SUCLG2: variants seen among roughly 807,000 people sequenced by gnomAD.
SUCLG2 encodes the protein succinate--CoA ligase [GDP-forming] subunit beta, mitochondrial.
Under a neutral mutation model 47.9 loss-of-function variants are expected in SUCLG2, and 42 were observed. The ratio of observed to expected loss-of-function variants is 0.88; its 90% CI spans 0.69 to 1.14. SUCLG2 has a LOEUF of 1.14. SUCLG2 is among the 50% of genes most tolerant of loss of function. The pLI, the probability that SUCLG2 is intolerant of heterozygous loss-of-function variation, is 0.00. For missense variants in SUCLG2, 571 were observed against 525.9 expected (o/e 1.09, Z -0.84); for synonymous variants, 195 against 197.3 (o/e 0.99, Z 0.10).
chr3:67,397,186 G>T (rs950273208), intron 10 of SUCLG2, among the ~76,000 whole-genome samples: 2 of 152,088 alleles, frequency 1.3e-5, no homozygotes, highest in African/African-American at 4.8e-5. Context: ...AATTAGGCAG[G>T]AGAAGGAAAT....
chr3:67,625,451 G>T (rs1004026455), intron 1 of SUCLG2, among the ~76,000 whole-genome samples: 1 of 152,152 alleles, frequency 6.6e-6, no homozygotes, highest in Non-Finnish European at 1.5e-5. Context: ...TGGGGATTTG[G>T]TTCTATGACC....
At chr3:67,445,131 A>G (rs1294050326) in intron 9 of SUCLG2, among the ~76,000 whole-genome samples, 1 of 65,460 alleles carries the variant, frequency 1.5e-5, no homozygotes, top group Admixed American at 1.8e-4. Context: ...CCAACCGCTC[A>G]TTGAGAACGG....
At chr3:67,408,857 G>A (rs975767309) in intron 9 of SUCLG2, 16 of 1,428,324 alleles carry the variant, frequency 1.1e-5, no homozygotes, top group South Asian at 1.5e-5. Context: ...AAATTAAGGC[G>A]GTCTTACTGT....
chr3:67,408,643 G>A, intron 9 of SUCLG2: 1 of 1,071,400 alleles, frequency 9.3e-7, no homozygotes, highest in Non-Finnish European at 1.1e-6. Flanking sequence ...TCCTTATTCT[G>A]TCTATTCTCT....
chr3:67,540,649 C>T (rs976875597), intron 2 of SUCLG2, among the ~76,000 whole-genome samples: 3 of 152,196 alleles, frequency 2.0e-5, no homozygotes, highest in Non-Finnish European at 2.9e-5. Context: ...TCCTGCCTCC[C>T]GGCTCTGAAT....
rs376642896 is a variant in SUCLG2 at position 67,587,997 on chromosome 3, A to C, written c.226+21458T>G. Among the ~76,000 whole-genome samples, 7 of 152,258 alleles carry C rather than the reference A, an allele frequency of 4.6e-5. No individual in the cohort carries two copies. The East Asian group carries it at 1.3e-3, about 29-fold the overall frequency. The stretch of plus-strand genomic sequence containing the variant: ...ATTACCTGTCAAATCCCATAAAAAC[A>C]GATGGTCACTTAGAGACAGGAGAAG... On this transcript the variant is annotated intron_variant, in intron 2 of 10. Transcript: ENST00000307227.
chr3:67,477,190 C>G (rs1704784875), intron 9 of SUCLG2, among the ~76,000 whole-genome samples: 1 of 152,134 alleles, frequency 6.6e-6, no homozygotes. Context: ...TGCCTCACTA[C>G]CTCCCCCATC....
intron 1 of SUCLG2, among the ~76,000 whole-genome samples, chr3:67,651,846 G>A (rs1181855045): frequency 2.0e-5 from 3 of 152,196 alleles, no homozygotes; most frequent in Admixed American, 6.5e-5. Flanking sequence ...CTACCCTGCT[G>A]TGAAGCAATC....
intron 1 of SUCLG2, among the ~76,000 whole-genome samples, chr3:67,632,743 A>AG (rs1206271579): frequency 2.0e-5 from 3 of 152,202 alleles, no homozygotes; most frequent in African/African-American, 7.2e-5. Flanking sequence ...TGGAAAACGG[A>AG]GGCACAGAAA....
chr3:67,369,245 TA>T (rs1255844605), intron 10 of SUCLG2, among the ~76,000 whole-genome samples: 1 of 152,212 alleles, frequency 6.6e-6, no homozygotes, highest in Non-Finnish European at 1.5e-5. Context: ...TTTAGGGATT[TA>T]AAAAATGTTT....
chr3:67,444,094 G>A lies in SUCLG2; in HGVS notation c.1063-43243C>T, dbSNP rs549189521. ...AGCCCCCCGCCTGGCCAGCCGCGCC[G>A]TCCGGGAGGGAGGTGGGGGGGTCAG... On this transcript the variant is annotated intron_variant, in intron 9 of 10. Transcript: ENST00000307227. 6.1e-3 allele frequency among the ~76,000 whole-genome samples: 618 copies of A among 101,594 alleles called. 2 individuals are homozygous for A. Among genetic ancestry groups the A allele is most frequent in the African/African-American group, 0.02 (578 of 29,534 alleles). 66.6% of individuals were successfully genotyped at this position (101,594 alleles called of 152,430 possible).
At chr3:67,364,283 A>G (rs1187822188) in intron 10 of SUCLG2, among the ~76,000 whole-genome samples, 1 of 152,160 alleles carries the variant, frequency 6.6e-6, no homozygotes, top group Non-Finnish European at 1.5e-5. Context: ...AGACAGTAAC[A>G]AGACTTCCCA....
intron 9 of SUCLG2, among the ~76,000 whole-genome samples, chr3:67,440,318 C>T (rs542522365): frequency 2.4e-4 from 37 of 152,128 alleles, no homozygotes; most frequent in African/African-American, 6.5e-4. Flanking sequence ...GACATAGGCA[C>T]GGGCAAAGAC....
intron 9 of SUCLG2, among the ~76,000 whole-genome samples, chr3:67,422,997 T>G (rs1014633124): frequency 6.6e-6 from 1 of 152,122 alleles, no homozygotes; most frequent in African/African-American, 2.4e-5. Flanking sequence ...AAGGTAGGTT[T>G]TTTTGGACCA....
intron 9 of SUCLG2, among the ~76,000 whole-genome samples, chr3:67,433,750 A>T (rs989368251): frequency 2.6e-5 from 4 of 152,092 alleles, no homozygotes; most frequent in Non-Finnish European, 5.9e-5. Flanking sequence ...TTAAGGTGTA[A>T]AGACTAAACC....
intron 9 of SUCLG2, among the ~76,000 whole-genome samples, chr3:67,406,682 A>G (rs1413837070): frequency 6.6e-6 from 1 of 152,190 alleles, no homozygotes; most frequent in African/African-American, 2.4e-5. Flanking sequence ...GAGTGATGGA[A>G]ACAAGATGGG....
chr3:67,535,736 C>T (rs1016852898), intron 2 of SUCLG2, among the ~76,000 whole-genome samples: 1 of 152,154 alleles, frequency 6.6e-6, no homozygotes, highest in East Asian at 1.9e-4. Flanking sequence ...GGACACAATG[C>T]AGAGAAGAGC....
chr3:67,546,707 C>T (rs1467563223), intron 2 of SUCLG2, among the ~76,000 whole-genome samples: 1 of 152,162 alleles, frequency 6.6e-6, no homozygotes, highest in African/African-American at 2.4e-5. Context: ...TGCACTCCAG[C>T]CTGGGCCACA....
rs116876071 is a variant in SUCLG2 at position 67,451,495 on chromosome 3, T to A, written c.1062+44303A>T. Among the ~76,000 whole-genome samples, 141 of 152,138 alleles carry A rather than the reference T, an allele frequency of 9.3e-4. 2 individuals carry two copies. The East Asian group carries it at 0.024, about 26-fold the overall frequency. On this transcript the variant is annotated intron_variant, in intron 9 of 10. Coordinates refer to ENST00000307227, the MANE Select transcript of SUCLG2 (RefSeq NM_003848.4). ...GATGTTAAATAATCCTCAAGGGAGGTACACCACCATGTTTAGGCTAGGTAC... is the reference window on the plus strand; with the variant it reads ...GATGTTAAATAATCCTCAAGGGAGGAACACCACCATGTTTAGGCTAGGTAC...
Sources: gnomAD v4.1 joint callset for allele counts (sites outside exome capture counted in the v4.1 genomes callset) on GRCh38, gnomAD v4.1.1 for gene constraint, MANE v1.5 for transcripts, NCBI Gene and HGNC (gene_info 2026-07-23, HGNC 2026-07-21) for gene names.